LTBP1: variants seen among roughly 807,000 people sequenced by gnomAD.
The protein encoded by LTBP1 is latent transforming growth factor beta binding protein 1.
LTBP1 carries 129 observed loss-of-function variants against 207.6 expected under a neutral mutation model. The observed-to-expected ratio is 0.62, with a 90% CI of 0.54 to 0.72. The LOEUF (loss-of-function observed/expected upper bound fraction) is 0.72. Among genes scored for constraint, LTBP1 ranks in the 30% least tolerant of loss-of-function variants. The pLI is 0.00. For missense variants in LTBP1, 2,281 were observed against 2,217.2 expected (o/e 1.03, Z -0.58); for synonymous variants, 963 against 833.7 (o/e 1.16, Z -2.67).
Position 33,188,637 on chromosome 2 carries a change from A to G in LTBP1, c.1487A>G (p.Gln496Arg), listed in dbSNP as rs761617171. 1.9e-6 allele frequency: 3 copies of G among 1,614,140 alleles called. No homozygotes were observed. Among genetic ancestry groups the G allele is most frequent in the Admixed American group, 1.7e-5 (1 of 60,034 alleles). The change falls in exon 7 of 34, where the codon CAG becomes CGG. Residue 496 changes from glutamine to arginine, a missense_variant. By Grantham distance (43) the Gln-to-Arg change is conservative. This residue lies in a region of LTBP1 where 1,671 missense variants were observed against 1,634.8 expected (regional missense o/e 1.02). Transcript: ENST00000404816. The part of the protein sequence containing the change: ...HVKHPPEASV[Q>R]IHQVSRIDGP... ...AAACATCCTCCTGAAGCTTCCGTCCAGATACATCAGGTTTCAAGAATTGAT... is the reference window on the plus strand; with the variant it reads ...AAACATCCTCCTGAAGCTTCCGTCCGGATACATCAGGTTTCAAGAATTGAT...
intron 9 of LTBP1, among the ~76,000 whole-genome samples, chr2:33,239,631 T>C (rs1305548005): frequency 2.0e-5 from 3 of 151,922 alleles, no homozygotes; most frequent in Non-Finnish European, 4.4e-5. Context: ...GCTCACACAC[T>C]TTGGGAGGCT....
intron 31 of LTBP1, among the ~76,000 whole-genome samples, chr2:33,378,922 C>A (rs1205727759): frequency 6.6e-6 from 1 of 152,148 alleles, no homozygotes; most frequent in Non-Finnish European, 1.5e-5. Flanking sequence ...CTTAGAATGA[C>A]CAGGTTCTTG....
At chr2:33,358,923 G>A (rs888777634) in intron 26 of LTBP1, among the ~76,000 whole-genome samples, 13 of 152,124 alleles carry the variant, frequency 8.5e-5, no homozygotes, top group Admixed American at 2.6e-4. Context: ...GATCCGTTCC[G>A]TTAAGAGTAC....
chr2:33,049,519 G>T (rs2076618329), intron 3 of LTBP1, among the ~76,000 whole-genome samples: 2 of 152,094 alleles, frequency 1.3e-5, no homozygotes, highest in African/African-American at 4.8e-5. Context: ...ATATCAGTAA[G>T]TGTTAAACCA....
At chr2:33,387,247 A>G (rs1462663413) in intron 31 of LTBP1, among the ~76,000 whole-genome samples, 2 of 152,240 alleles carry the variant, frequency 1.3e-5, no homozygotes, top group African/African-American at 2.4e-5. Flanking sequence ...AAATAATGGG[A>G]GAAGATGACC....
intron 9 of LTBP1, among the ~76,000 whole-genome samples, chr2:33,232,336 G>T (rs867044204): frequency 9.9e-5 from 15 of 152,174 alleles, no homozygotes; most frequent in African/African-American, 3.6e-4. Context: ...GGGTTCAGAG[G>T]AGCCTGACTA....
Position 33,243,797 on chromosome 2 carries a change from C to T in LTBP1, c.1999+13C>T. 2 of 1,613,514 alleles carry T rather than the reference C, an allele frequency of 1.2e-6. No individual in the cohort carries two copies. Among genetic ancestry groups the T allele is most frequent in the Middle Eastern group, 3.3e-4 (2 of 6,060 alleles). ...TCAAGTTGTGTTCGTAAGTAATAAT[C>T]ACTTTTTATTCCTGTTTTGGATTAA... On this transcript the variant is annotated intron_variant, in intron 10 of 33. Transcript: ENST00000404816.
rs373009833 is a variant in LTBP1 at position 32,986,624 on chromosome 2, T to C, written c.566-34285T>C. ...AAGATGATGACAGCAGAAAGTTAAATCAAGCACAGGGCCCTTCTAAGCACA... is the reference window on the plus strand; with the variant it reads ...AAGATGATGACAGCAGAAAGTTAAACCAAGCACAGGGCCCTTCTAAGCACA... On this transcript the variant is annotated intron_variant, in intron 2 of 33. Transcript: ENST00000404816. Among the ~76,000 whole-genome samples the C allele has an allele frequency of 7.9e-5, 12 of 152,212 alleles. No homozygotes were observed. In the East Asian group the frequency reaches 1.5e-3, roughly 20 times the overall value.
At chr2:33,305,685 G>A (rs778399289) in intron 22 of LTBP1, among the ~76,000 whole-genome samples, 5 of 152,140 alleles carry the variant, frequency 3.3e-5, no homozygotes, top group African/African-American at 7.2e-5. Flanking sequence ...GAAATTAATT[G>A]GGAATGAGTG....
chr2:33,074,098 T>A (rs1357508207), intron 3 of LTBP1, among the ~76,000 whole-genome samples: 1 of 152,258 alleles, frequency 6.6e-6, no homozygotes, highest in African/African-American at 2.4e-5. Flanking sequence ...GAAGTTGAAG[T>A]GCAGATCGTC....
At chr2:33,054,636 G>C (rs1160525937) in intron 3 of LTBP1, among the ~76,000 whole-genome samples, 6 of 152,208 alleles carry the variant, frequency 3.9e-5, no homozygotes, top group Non-Finnish European at 4.4e-5. Context: ...AGAAACACCT[G>C]GTTACAGGCT....
intron 24 of LTBP1, among the ~76,000 whole-genome samples, chr2:33,335,324 AG>A (rs2094542333): frequency 6.8e-6 from 1 of 147,854 alleles, no homozygotes; most frequent in Non-Finnish European, 1.5e-5. Flanking sequence ...GTGACCATCA[AG>A]GTCCCCGTGT....
At chr2:33,351,468 A>C (rs1317088290) in intron 26 of LTBP1, among the ~76,000 whole-genome samples, 1 of 152,238 alleles carries the variant, frequency 6.6e-6, no homozygotes, top group Non-Finnish European at 1.5e-5. Flanking sequence ...CATTAATCAT[A>C]GAAAATTGGC....
intron 3 of LTBP1, among the ~76,000 whole-genome samples, chr2:33,044,138 T>C (rs984265357): frequency 6.7e-6 from 1 of 148,862 alleles, no homozygotes. Context: ...TTTTTTTTTT[T>C]AATTATACTT....
At chr2:33,201,766 A>C (rs1411841588) in intron 7 of LTBP1, among the ~76,000 whole-genome samples, 1 of 152,214 alleles carries the variant, frequency 6.6e-6, no homozygotes, top group Non-Finnish European at 1.5e-5. Context: ...TGGAATCCTG[A>C]AATCATTGTG....
At chr2:33,256,946 C>T (rs61154196) in intron 11 of LTBP1, among the ~76,000 whole-genome samples, 253 of 149,586 alleles carry the variant, frequency 1.7e-3, no homozygotes, top group African/African-American at 5.5e-3. Flanking sequence ...TAGAACTAAT[C>T]CCTCATGGAT....
At chr2:33,176,795 C>T (rs1333393558) in intron 5 of LTBP1, among the ~76,000 whole-genome samples, 2 of 152,150 alleles carry the variant, frequency 1.3e-5, no homozygotes, top group Non-Finnish European at 2.9e-5. Context: ...ATTTTCAAGT[C>T]ATAGTGATTT....
chr2:33,235,868 A>G (rs1487887933), intron 9 of LTBP1, among the ~76,000 whole-genome samples: 5 of 152,154 alleles, frequency 3.3e-5, no homozygotes, highest in African/African-American at 1.2e-4. Context: ...TTACATGGAC[A>G]CAGGGAGGGG....
In LTBP1 at chr2:33,364,278, T is replaced by C; in HGVS notation, c.4462T>C (p.Ser1488Pro). ...IDGQCVNTEGSYNCFCTHPMV... is the reference protein window; with the variant it reads ...IDGQCVNTEGPYNCFCTHPMV... ...TGGCCAGTGTGTTAATACAGAGGGC[T>C]CTTACAACTGCTTCTGTACTCACCC... Residue 1488 changes from serine to proline, a missense_variant, in exon 30 of 34, where the codon TCT becomes CCT. This residue lies in a region of LTBP1 where 1,671 missense variants were observed against 1,634.8 expected (regional missense o/e 1.02). Coordinates refer to ENST00000404816, the MANE Select transcript of LTBP1 (RefSeq NM_206943.4). 2 of 1,613,962 alleles carry C rather than the reference T, an allele frequency of 1.2e-6. No individual in the cohort carries two copies. The highest frequency in any genetic ancestry group is 1.7e-6 in the Non-Finnish European group (2 of 1,179,840).
Sources: gnomAD v4.1 joint callset for allele counts (sites outside exome capture counted in the v4.1 genomes callset) on GRCh38, gnomAD v4.1.1 for gene constraint, gnomAD v4.1.1 regional missense constraint, MANE v1.5 for transcripts, NCBI Gene and HGNC (gene_info 2026-07-23, HGNC 2026-07-21) for gene names.